Variants in MBNL1 observed in about 807,000 individuals in gnomAD.
MBNL1 encodes muscleblind-like protein 1.
In MBNL1, 8 loss-of-function variants were observed where a neutral mutation model predicts 42.2. That is an observed-to-expected ratio of 0.19 (90% CI 0.11 to 0.34). The LOEUF is 0.34. Among genes scored for constraint, MBNL1 ranks in the 10% least tolerant of loss-of-function variants. The probability of loss-of-function intolerance (pLI) is 1.00; values close to 1 mark genes in which losing one functional copy is unlikely to be tolerated. For synonymous variants in MBNL1, 169 were observed against 173.9 expected (o/e 0.97, Z 0.22); for missense variants, 309 against 495.3 (o/e 0.62, Z 3.57).
At chr3:152,441,309 T>G (rs1354665358) in intron 4 of MBNL1, among the ~76,000 whole-genome samples, 1 of 152,190 alleles carries the variant, frequency 6.6e-6, no homozygotes, top group African/African-American at 2.4e-5. Flanking sequence ...TTTTCATGTA[T>G]TAAAAAATTA....
At chr3:152,294,022 T>C (rs755781296) in intron 1 of MBNL1, among the ~76,000 whole-genome samples, 1 of 152,076 alleles carries the variant, frequency 6.6e-6, no homozygotes, top group Non-Finnish European at 1.5e-5. Context: ...CATTCTTCTT[T>C]ATCCTTTTCT....
At chr3:152,274,971 T>G (rs1264054591) in intron 1 of MBNL1, among the ~76,000 whole-genome samples, 2 of 152,218 alleles carry the variant, frequency 1.3e-5, no homozygotes, top group African/African-American at 4.8e-5. Flanking sequence ...ATCAAAGATA[T>G]TTTCTTAACT....
intron 1 of MBNL1, chr3:152,269,439 C>G (rs1312019965): frequency 2.3e-6 from 1 of 440,972 alleles, no homozygotes; most frequent in East Asian, 7.3e-5. Context: ...ACTTAATGAC[C>G]TTTGTCGGGG....
chr3:152,292,239 C>T lies in MBNL1; in HGVS notation c.-789-7166C>T, dbSNP rs1366815749. On this transcript the variant is annotated intron_variant, in intron 1 of 9. Transcript: ENST00000324210. ...ACATTTTTAAAAATTTTGCCTGATA[C>T]AGGAATTAATTCAAAATTCACTTTT... Among the ~76,000 whole-genome samples, 5 of 152,180 alleles carry T rather than the reference C, an allele frequency of 3.3e-5. No homozygotes were observed. The South Asian group carries it at 1.0e-3, about 31-fold the overall frequency.
intron 2 of MBNL1, chr3:152,338,700 C>T (rs1392292151): frequency 2.0e-6 from 2 of 984,974 alleles, no homozygotes; most frequent in Non-Finnish European, 2.4e-6. Flanking sequence ...TCTAGGAAGC[C>T]GTTCTAGAAG....
chr3:152,378,885 A>G (rs1162609519), intron 2 of MBNL1, among the ~76,000 whole-genome samples: 1 of 151,878 alleles, frequency 6.6e-6, no homozygotes, highest in South Asian at 2.1e-4. Flanking sequence ...CCTGGCTGAT[A>G]ATTGCATTTT....
intron 2 of MBNL1, among the ~76,000 whole-genome samples, chr3:152,334,654 G>A (rs2088235035): frequency 6.6e-6 from 1 of 152,020 alleles, no homozygotes; most frequent in Non-Finnish European, 1.5e-5. Context: ...TGAAAGAAAT[G>A]ACCAAAATTG....
At chr3:152,266,816 G>A (rs2149573800), upstream of MBNL1, 1 of 152,404 alleles carries the variant, frequency 6.6e-6, no homozygotes, top group African/African-American at 2.4e-5. Context: ...TTTCCAGTCT[G>A]TCCACACCCA....
chr3:152,262,677 A>G (rs1402017061), intron 2 of MBNL1: 1 of 152,212 alleles, frequency 6.6e-6, no homozygotes, highest in Non-Finnish European at 1.5e-5. Context: ...TTTGGGTTAC[A>G]GTACATAAAA....
chr3:152,324,209 T>TGA (rs1481920975), intron 2 of MBNL1, among the ~76,000 whole-genome samples: 2 of 152,198 alleles, frequency 1.3e-5, no homozygotes, highest in Non-Finnish European at 2.9e-5. Context: ...TATGTTACCT[T>TGA]GAGGAATGTC....
At chr3:152,440,570 C>T (rs2099133230) in intron 4 of MBNL1, among the ~76,000 whole-genome samples, 1 of 152,154 alleles carries the variant, frequency 6.6e-6, no homozygotes, top group Admixed American at 6.5e-5. Flanking sequence ...TGTCCCACAA[C>T]ATGTGGGAAT....
chr3:152,311,520 G>A (rs1472923428), intron 2 of MBNL1, among the ~76,000 whole-genome samples: 1 of 151,970 alleles, frequency 6.6e-6, no homozygotes. Context: ...TGTCATGCTT[G>A]TTTGTGATTT....
chr3:152,309,840 T>C (rs2065352661), intron 2 of MBNL1, among the ~76,000 whole-genome samples: 1 of 152,202 alleles, frequency 6.6e-6, no homozygotes, highest in Admixed American at 6.5e-5. Flanking sequence ...CATTTATAAC[T>C]AGTCTTTGCC....
intron 2 of MBNL1, among the ~76,000 whole-genome samples, chr3:152,359,286 A>T (rs1038473878): frequency 3.3e-5 from 5 of 152,240 alleles, no homozygotes; most frequent in African/African-American, 1.2e-4. Context: ...CCAAACTAAA[A>T]TTTAAAAAAT....
chr3:152,377,963 G>C (rs77553540), intron 2 of MBNL1, among the ~76,000 whole-genome samples: 10,839 of 152,240 alleles, frequency 0.071, 510 homozygotes, highest in Middle Eastern at 0.16. Flanking sequence ...TATTATTTGA[G>C]GACCTGCTGT....
chr3:152,385,892 C>A (rs2097394644), intron 2 of MBNL1, among the ~76,000 whole-genome samples: 1 of 151,972 alleles, frequency 6.6e-6, no homozygotes, highest in Non-Finnish European at 1.5e-5. Flanking sequence ...TATTTTATGT[C>A]CTGTGGCTGG....
chr3:152,351,211 C>T (rs894944965), intron 2 of MBNL1, among the ~76,000 whole-genome samples: 3 of 151,862 alleles, frequency 2.0e-5, no homozygotes, highest in African/African-American at 7.3e-5. Context: ...AAACATTTAA[C>T]TGAAAAAAAT....
At chr3:152,424,636 G>A (rs189864275) in intron 3 of MBNL1, among the ~76,000 whole-genome samples, 6 of 150,198 alleles carry the variant, frequency 4.0e-5, no homozygotes, top group African/African-American at 1.2e-4. Context: ...AATCCTAAGC[G>A]AAAAGAACAA....
chr3:152,270,891 C>G (rs2041191543), intron 1 of MBNL1, among the ~76,000 whole-genome samples: 3 of 152,088 alleles, frequency 2.0e-5, no homozygotes, highest in Non-Finnish European at 1.5e-5. Context: ...TTGCTGAAGA[C>G]TACAAAAGTT....
Sources: allele counts gnomAD v4.1 joint callset (sites outside exome capture counted in the v4.1 genomes callset), GRCh38; gene constraint gnomAD v4.1.1; transcripts MANE v1.5; gene names NCBI Gene and HGNC (gene_info 2026-07-23, HGNC 2026-07-21).